SCARF1: variants seen among roughly 807,000 people sequenced by gnomAD.
SCARF1 encodes the protein scavenger receptor class F member 1.
A neutral mutation model predicts 76.3 loss-of-function variants in SCARF1; 49 were observed. That is an observed-to-expected ratio of 0.64 (90% CI 0.51 to 0.81). The LOEUF is 0.81. SCARF1 is among the 40% of genes least tolerant of loss of function. SCARF1 has a pLI of 0.00. For missense variants in SCARF1, 1,098 were observed against 1,143.9 expected (o/e 0.96, Z 0.58); for synonymous variants, 495 against 474.6 (o/e 1.04, Z -0.56).
rs1329957419 is a variant in SCARF1, at chr17:1,640,725, C to A, written c.792-59G>T. ...GGTGGATGGATGGAGCGCCCACCCC[C>A]TCCTACCCCTGTACTCCACGCAGGC... On this transcript the variant is annotated intron_variant, in intron 4 of 10. Coordinates refer to ENST00000263071, the MANE Select transcript of SCARF1 (RefSeq NM_003693.4). The surrounding 1 kb of genome is among the most constrained non-coding windows in gnomAD (Gnocchi z 4.7). 3 of 1,500,514 alleles carry A rather than the reference C, an allele frequency of 2.0e-6. No individual in the cohort carries two copies. The highest frequency in any genetic ancestry group is 3.7e-5 in the Admixed American group (2 of 54,236). 92.9% of individuals were successfully genotyped at this position (1,500,514 alleles called of 1,614,324 possible).
At position 1,638,847 on chromosome 17, in the gene SCARF1, A is replaced by G. The variant is rs1269124644; in HGVS notation, c.1323T>C (p.Cys441=). 2 of 1,611,056 alleles carry G rather than the reference A, an allele frequency of 1.2e-6. No homozygotes were observed. The highest frequency in any genetic ancestry group is 2.2e-5 in the South Asian group (2 of 90,606). Residue 441 remains cysteine, a synonymous_variant, in exon 8 of 11, where the codon TGT becomes TGC. Coordinates refer to ENST00000263071, the MANE Select transcript of SCARF1 (RefSeq NM_003693.4). ...LLLLFLGLAC[C]ACCCWAPRSD... The stretch of plus-strand genomic sequence containing the variant: ...ATCGGGGGGCCCAGCAGCAGCAGGC[A>G]CAGCAGGCAAGGCCCAGGAAGAGCA...
In SCARF1 at chr17:1,640,776, G is replaced by A. The variant is rs1909988014; in HGVS notation, c.792-110C>T. On this transcript the variant is annotated intron_variant, in intron 4 of 10. Transcript: ENST00000263071. This position sits in a 1 kb window ranked among gnomAD's most constrained non-coding sequence, Gnocchi z 4.7. ...CTTCGGGGGCCCTGGAGAGTGTTCGGGTCCCACCTGGGTCAGGCAGGTTTG... is the reference window on the plus strand; with the variant it reads ...CTTCGGGGGCCCTGGAGAGTGTTCGAGTCCCACCTGGGTCAGGCAGGTTTG... 2 of 999,866 alleles carry A rather than the reference G, an allele frequency of 2.0e-6. No individual in the cohort carries two copies. The highest frequency in any genetic ancestry group is 3.0e-5 in the South Asian group (2 of 67,436). The allele number at this position is 999,866 out of a possible 1,614,324, so 61.9% of individuals were successfully genotyped here.
chr17:1,637,433 T>C (rs891908249), intron 8 of SCARF1, among the ~76,000 whole-genome samples: 1 of 152,112 alleles, frequency 6.6e-6, no homozygotes, highest in East Asian at 1.9e-4. Context: ...TCTTTGTTAT[T>C]ATCATCCTAG....
intron 7 of SCARF1, 109 bp from the exon 8 acceptor site, chr17:1,639,035 T>C: frequency 1.7e-6 from 2 of 1,204,192 alleles, no homozygotes; most frequent in Non-Finnish European, 2.3e-6. Context: ...GGTCACTCCC[T>C]GCCTCCGGGC....
At chr17:1,638,465 G>A (rs1909757778) in intron 8 of SCARF1, 2 of 181,876 alleles carry the variant, frequency 1.1e-5, no homozygotes, top group East Asian at 2.5e-4. Flanking sequence ...CCCGCTGCAG[G>A]CTCCGGTTCG....
At chr17:1,643,009 C>T (rs1230107375) in intron 4 of SCARF1, among the ~76,000 whole-genome samples, 7 of 152,144 alleles carry the variant, frequency 4.6e-5, no homozygotes. Context: ...TCCGACTTTT[C>T]CCCTTTCTCG....
intron 8 of SCARF1, 35 bp downstream of exon 8, chr17:1,638,771 T>C: frequency 6.4e-7 from 1 of 1,570,424 alleles, no homozygotes; most frequent in Non-Finnish European, 8.7e-7. Flanking sequence ...CCCTGTGGCC[T>C]GAGCTGTGTG....
At chr17:1,635,785 C>CTT (rs1555547214) in intron 10 of SCARF1, among the ~76,000 whole-genome samples, 168 bp from the exon 11 acceptor site, 10 of 146,850 alleles carry the variant, frequency 6.8e-5, no homozygotes, top group Admixed American at 1.3e-4. Context: ...TACTTCTACA[C>CTT]TTTTTTTTTT....
In SCARF1 at chr17:1,640,145, G is replaced by A. The variant is rs977755582; in HGVS notation, c.1011-105C>T. ...CGCTCCTGGACTCAAGGACCCAACTGGCCACTCCTCAGCAGTGAAGCTCAG... is the reference window on the plus strand; with the variant it reads ...CGCTCCTGGACTCAAGGACCCAACTAGCCACTCCTCAGCAGTGAAGCTCAG... On this transcript the variant is annotated intron_variant, in intron 5 of 10. Transcript: ENST00000263071. This position sits in a 1 kb window ranked among gnomAD's most constrained non-coding sequence, Gnocchi z 4.7. The A allele has an allele frequency of 1.5e-6, 2 of 1,370,892 alleles. No homozygotes were observed. Among genetic ancestry groups the A allele is most frequent in the African/African-American group, 1.4e-5 (1 of 69,250 alleles). 84.9% of individuals were successfully genotyped at this position (1,370,892 alleles called of 1,614,324 possible).
intron 7 of SCARF1, 102 bp from the exon 8 acceptor site, chr17:1,639,028 C>A: frequency 8.0e-7 from 1 of 1,250,786 alleles, no homozygotes; most frequent in South Asian, 1.8e-5. Flanking sequence ...TCCTGGGGGT[C>A]ACTCCCTGCC....
Position 1,644,649 on chromosome 17 carries a change from G to A in SCARF1, c.265+185C>T. 1.6e-6 allele frequency: 1 copy of A among 618,422 alleles called. No individual in the cohort carries two copies. Among genetic ancestry groups the A allele is most frequent in the Non-Finnish European group, 2.9e-6 (1 of 349,778 alleles). The allele number at this position is 618,422 out of a possible 1,614,324, so 38.3% of individuals were successfully genotyped here. ...TTGTGGATGTGGGTAAAAACCCGGTGACTCAGGTCATCTCCCGGGAGTGTG... is the reference window on the plus strand; with the variant it reads ...TTGTGGATGTGGGTAAAAACCCGGTAACTCAGGTCATCTCCCGGGAGTGTG... On this transcript the variant is annotated intron_variant, in intron 3 of 10. Coordinates refer to ENST00000263071, the MANE Select transcript of SCARF1 (RefSeq NM_003693.4). The surrounding 1 kb of genome is among the most constrained non-coding windows in gnomAD (Gnocchi z 4.8).
At position 1,633,904 on chromosome 17, in the gene SCARF1, T is replaced by C. The variant is rs1397119349; in HGVS notation, c.*854A>G. The C allele has an allele frequency of 6.6e-6, 1 of 152,186 alleles. No homozygotes were observed. The highest frequency in any genetic ancestry group is 2.4e-5 in the African/African-American group (1 of 41,450). 9.4% of individuals were successfully genotyped at this position (152,186 alleles called of 1,614,324 possible). A position where few individuals can be genotyped will look rare whatever the true frequency, so the allele number is the denominator to read the frequency against. ...CTTTTTATTTTTTTAACAAAGATCA[T>C]TGCTTTTTATTATACTTTATCAAAT... is the stretch of plus-strand genomic sequence containing the variant. On this transcript the variant is annotated 3_prime_UTR_variant, in exon 11 of 11. Transcript: ENST00000263071.
chr17:1,635,689 C>A, intron 10 of SCARF1, 72 bp from the exon 11 acceptor site: 1 of 1,494,862 alleles, frequency 6.7e-7, no homozygotes, highest in Non-Finnish European at 8.9e-7. Context: ...CACAGCTCAG[C>A]ATCTTCCAGG....
rs1475769503 is a variant in SCARF1, at chr17:1,645,513, C to T, written c.101+84G>A. ...CCTAGTCTCCTCCTTCCCCTAACGG[C>T]CTCAACACCGGTTCAGCCACCCGCA... On this transcript the variant is annotated intron_variant, in intron 1 of 10. Transcript: ENST00000263071. The surrounding 1 kb of genome is among the most constrained non-coding windows in gnomAD (Gnocchi z 6.3). 1.9e-6 allele frequency: 3 copies of T among 1,545,548 alleles called. No individual in the cohort carries two copies. Among genetic ancestry groups the T allele is most frequent in the Non-Finnish European group, 2.6e-6 (3 of 1,152,014 alleles).
chr17:1,644,516 T>C lies in SCARF1; in HGVS notation c.265+318A>G. 1 of 434,550 alleles carries C rather than the reference T, an allele frequency of 2.3e-6. No homozygotes were observed. Among genetic ancestry groups the C allele is most frequent in the Non-Finnish European group, 4.2e-6 (1 of 239,900 alleles). The allele number at this position is 434,550 out of a possible 1,614,324, so 26.9% of individuals were successfully genotyped here. A position where few individuals can be genotyped will look rare whatever the true frequency, so the allele number is the denominator to read the frequency against. On this transcript the variant is annotated intron_variant, in intron 3 of 10. Transcript: ENST00000263071. This position sits in a 1 kb window ranked among gnomAD's most constrained non-coding sequence, Gnocchi z 4.8. ...GGGGCCCCCTTCCATCCACTGCCCA[T>C]GTATAAGGTATATGTGGGAAAGGCA... is the stretch of plus-strand genomic sequence containing the variant.
rs1036751620 is a variant in SCARF1 at position 1,634,685 on chromosome 17, G to A, written c.*73C>T. On this transcript the variant is annotated 3_prime_UTR_variant, in exon 11 of 11. Transcript: ENST00000263071. Reference sequence around the variant, plus strand: ...CAGAGGCTCTGGTTTGTCTGTCCTGGCCCCGGGATCATTTTCCAGCACACA... The same window carrying A: ...CAGAGGCTCTGGTTTGTCTGTCCTGACCCCGGGATCATTTTCCAGCACACA... 4.5e-5 allele frequency: 68 copies of A among 1,497,978 alleles called. No individual in the cohort carries two copies. The highest frequency in any genetic ancestry group is 5.9e-5 in the Non-Finnish European group (66 of 1,121,214). 92.8% of individuals were successfully genotyped at this position (1,497,978 alleles called of 1,614,324 possible).
chr17:1,643,823 G>A lies in SCARF1; in HGVS notation c.410C>T (p.Pro137Leu). ...ARCEFPCACG[P>L]HGRCDPATGV... ...GGTCGCGGGGTCGCAGCGCCCGTGG[G>A]GGCCGCAGGCGCACGGGAACTCGCA... The change falls in exon 4 of 11, where the codon CCC becomes CTC. Residue 137 changes from proline (P) to leucine (L), a missense_variant. By Grantham distance (98) the Pro-to-Leu change is moderately conservative. Transcript: ENST00000263071. 2 of 1,269,026 alleles carry A rather than the reference G, an allele frequency of 1.6e-6. No individual in the cohort carries two copies. Among genetic ancestry groups the A allele is most frequent in the Non-Finnish European group, 2.0e-6 (2 of 1,010,648 alleles). The allele number at this position is 1,269,026 out of a possible 1,614,324, so 78.6% of individuals were successfully genotyped here.
Position 1,635,537 on chromosome 17 carries a change from T to TGG in SCARF1, c.1712_1713dup (p.Thr572ProfsTer12). The TGG allele has an allele frequency of 6.2e-7, 1 of 1,613,280 alleles. No homozygotes were observed. The highest frequency in any genetic ancestry group is 8.5e-7 in the Non-Finnish European group (1 of 1,179,994). On this transcript the variant is annotated frameshift_variant, in exon 11 of 11. Coordinates refer to ENST00000263071, the MANE Select transcript of SCARF1 (RefSeq NM_003693.4). LOFTEE classifies it low-confidence loss of function (END_TRUNC). Reference sequence around the variant, plus strand: ...GAGGTGCGCGGGATGGCGAATGGCGTGGAGGCGTCCTCAGGGGGCGGGAAA... The same window carrying TGG: ...GAGGTGCGCGGGATGGCGAATGGCGTGGGGAGGCGTCCTCAGGGGGCGGGAAA...
chr17:1,637,260 G>A (rs1252234233), intron 8 of SCARF1, among the ~76,000 whole-genome samples, 198 bp from the exon 9 acceptor site: 2 of 152,096 alleles, frequency 1.3e-5, no homozygotes, highest in Non-Finnish European at 2.9e-5. Flanking sequence ...GAGTCAGACA[G>A]CCGAGTAACA....
Sources: gnomAD v4.1 joint callset for allele counts (sites outside exome capture counted in the v4.1 genomes callset) on GRCh38, gnomAD v4.1.1 for gene constraint, Gnocchi (gnomAD v3.1) non-coding constraint, MANE v1.5 for transcripts, NCBI Gene and HGNC (gene_info 2026-07-23, HGNC 2026-07-21) for gene names.